The following PHACTR3 variants were observed in gnomAD, a reference collection of about 807,000 sequenced individuals.
PHACTR3 encodes phosphatase and actin regulator 3.
In PHACTR3, 16 loss-of-function variants were observed where a neutral mutation model predicts 66.8. The ratio of observed to expected loss-of-function variants is 0.24; its 90% CI spans 0.16 to 0.36. PHACTR3 has a LOEUF of 0.36. PHACTR3 is among the 10% of genes least tolerant of loss of function. The pLI is 1.00. For synonymous variants in PHACTR3, 323 were observed against 292.1 expected, an observed-to-expected ratio of 1.11 and a Z score of -1.08; for missense variants, 647 against 719.9, an observed-to-expected ratio of 0.90 and a Z score of 1.16.
chr20:59,696,589 A>G (rs1164890586), intron 1 of PHACTR3, among the ~76,000 whole-genome samples: 2 of 152,100 alleles, frequency 1.3e-5, no homozygotes, highest in East Asian at 3.8e-4. Context: ...TTGCACATTC[A>G]AACATGGGCC....
intron 1 of PHACTR3, among the ~76,000 whole-genome samples, chr20:59,650,778 G>A (rs142276320): frequency 3.0e-4 from 46 of 151,752 alleles, no homozygotes; most frequent in African/African-American, 1.1e-3. Flanking sequence ...GGGGTTGGGG[G>A]TGGTGGGACA....
chr20:59,582,273 G>C (rs542097862), intron 1 of PHACTR3, among the ~76,000 whole-genome samples: 1 of 152,302 alleles, frequency 6.6e-6, no homozygotes, highest in Non-Finnish European at 1.5e-5. Context: ...GTGTATCTTG[G>C]AGATTTATCT....
At chr20:59,584,961 G>T (rs900775402) in intron 1 of PHACTR3, among the ~76,000 whole-genome samples, 3 of 149,864 alleles carry the variant, frequency 2.0e-5, no homozygotes, top group African/African-American at 7.4e-5. Flanking sequence ...TTTAAAAAAC[G>T]CCTTCTCCAA....
chr20:59,682,822 GTCACAT>G (rs1371070813), intron 1 of PHACTR3, among the ~76,000 whole-genome samples: 1 of 152,200 alleles, frequency 6.6e-6, no homozygotes, highest in Non-Finnish European at 1.5e-5. Flanking sequence ...GGTGGCTGGA[GTCACAT>G]GAGATTGCTG....
At chr20:59,808,332 G>A (rs545034102) in intron 8 of PHACTR3, among the ~76,000 whole-genome samples, 4 of 152,370 alleles carry the variant, frequency 2.6e-5, no homozygotes, top group African/African-American at 9.6e-5. Context: ...ATTCTGGCAG[G>A]GTGGGCCTCT....
intron 1 of PHACTR3, among the ~76,000 whole-genome samples, chr20:59,734,218 C>A (rs1601219074): frequency 6.6e-6 from 1 of 152,182 alleles, no homozygotes; most frequent in Admixed American, 6.5e-5. Flanking sequence ...ATTAAGAACA[C>A]TAAGAGCAAT....
At chr20:59,827,287 G>A (rs2042221030) in intron 8 of PHACTR3, among the ~76,000 whole-genome samples, 1 of 152,144 alleles carries the variant, frequency 6.6e-6, no homozygotes, top group African/African-American at 2.4e-5. Context: ...CCCGGCTCCA[G>A]GAGGCTGATT....
chr20:59,662,691 G>A (rs1181226709), intron 1 of PHACTR3, among the ~76,000 whole-genome samples: 1 of 152,128 alleles, frequency 6.6e-6, no homozygotes, highest in Non-Finnish European at 1.5e-5. Context: ...GGAGGAAAAG[G>A]GGCTGGAGGG....
chr20:59,784,375 A>G (rs986532750), intron 7 of PHACTR3, among the ~76,000 whole-genome samples: 2 of 152,062 alleles, frequency 1.3e-5, no homozygotes, highest in African/African-American at 4.8e-5. Context: ...ATGTGTATGC[A>G]TATGTATATG....
At position 59,736,949 on chromosome 20, in the gene PHACTR3, G is replaced by A. The variant is rs1827514825; in HGVS notation, c.119-6158G>A. Among the ~76,000 whole-genome samples, 1 of 152,146 alleles carries A rather than the reference G, an allele frequency of 6.6e-6. No homozygotes were observed. The highest frequency in any genetic ancestry group is 2.1e-4 in the South Asian group (1 of 4,824). ...TCTTCACTCCTCTGATGACAGTTGA[G>A]CCCCTTGAGGAGCTGCTTAGACTAA... On this transcript the variant is annotated intron_variant, in intron 1 of 12. Coordinates refer to ENST00000371015, the MANE Select transcript of PHACTR3 (RefSeq NM_080672.5). This position sits in a 1 kb window ranked among gnomAD's most constrained non-coding sequence, Gnocchi z 4.6.
At position 59,782,498 on chromosome 20, in the gene PHACTR3, C is replaced by T. The variant is rs551778024; in HGVS notation, c.1174+8008C>T. On this transcript the variant is annotated intron_variant, in intron 7 of 12. Transcript: ENST00000371015. Reference sequence around the variant, plus strand: ...AACTCCTGACCTCAGGTGATCCACCCACCTCGGCCTCTCAAAGTGCTGGGA... The same window carrying T: ...AACTCCTGACCTCAGGTGATCCACCTACCTCGGCCTCTCAAAGTGCTGGGA... Among the ~76,000 whole-genome samples the T allele has an allele frequency of 3.3e-5, 5 of 152,270 alleles. 1 individual carries two copies. The South Asian group carries it at 1.0e-3, about 32-fold the overall frequency.
At position 59,595,411 on chromosome 20, in the gene PHACTR3, G is replaced by A. The variant is rs112927793; in HGVS notation, c.109+17794G>A. Among the ~76,000 whole-genome samples, 1,202 of 152,238 alleles carry A rather than the reference G, an allele frequency of 7.9e-3. 15 individuals are homozygous for A. The highest frequency in any genetic ancestry group is 0.024 in the African/African-American group (1,007 of 41,550). ...TGGGAGGCAGAGGTTGCAGTGAGCC[G>A]AGATTGCGCCACTGCACTCCAGCCT... On this transcript the variant is annotated intron_variant, in intron 1 of 12. Coordinates refer to the PHACTR3 transcript ENST00000359926.
At chr20:59,673,612 G>T (rs1248769048) in intron 1 of PHACTR3, among the ~76,000 whole-genome samples, 1 of 152,202 alleles carries the variant, frequency 6.6e-6, no homozygotes, top group Non-Finnish European at 1.5e-5. Flanking sequence ...AGGCAGCTGG[G>T]ATGGTGACCC....
intron 8 of PHACTR3, among the ~76,000 whole-genome samples, chr20:59,809,829 G>A (rs1600695960): frequency 6.6e-6 from 1 of 152,140 alleles, no homozygotes; most frequent in Non-Finnish European, 1.5e-5. Flanking sequence ...GGGCATGGCT[G>A]TGTGTCAATA....
At chr20:59,769,107 T>A (rs1045259037) in intron 5 of PHACTR3, among the ~76,000 whole-genome samples, 1 of 152,224 alleles carries the variant, frequency 6.6e-6, no homozygotes, top group African/African-American at 2.4e-5. Context: ...GTCAGTACCT[T>A]TGCATGCTTG....
chr20:59,811,790 C>T (rs1324821545), intron 8 of PHACTR3, among the ~76,000 whole-genome samples: 1 of 152,178 alleles, frequency 6.6e-6, no homozygotes, highest in Non-Finnish European at 1.5e-5. Flanking sequence ...CAGGCTAGAG[C>T]CCCAGCCGTC....
chr20:59,635,767 C>T (rs1333660565), intron 1 of PHACTR3, among the ~76,000 whole-genome samples: 1 of 152,114 alleles, frequency 6.6e-6, no homozygotes, highest in African/African-American at 2.4e-5. Flanking sequence ...ATGGGGTGTG[C>T]CCCCACTTTT....
chr20:59,736,787 C>T lies in PHACTR3; in HGVS notation c.119-6320C>T, dbSNP rs763026223. ...CTATTTTGAAGTTTCTCTTCTTGGGCGGAGAGTCATAGCTCTCACAAGCCC... is the reference window on the plus strand; with the variant it reads ...CTATTTTGAAGTTTCTCTTCTTGGGTGGAGAGTCATAGCTCTCACAAGCCC... On this transcript the variant is annotated intron_variant, in intron 1 of 12. Coordinates refer to ENST00000371015, the MANE Select transcript of PHACTR3 (RefSeq NM_080672.5). The surrounding 1 kb of genome is among the most constrained non-coding windows in gnomAD (Gnocchi z 4.6). Among the ~76,000 whole-genome samples the T allele has an allele frequency of 2.3e-4, 35 of 152,098 alleles. 1 individual carries two copies. The highest frequency in any genetic ancestry group is 1.8e-4 in the Non-Finnish European group (12 of 68,010).
chr20:59,581,794 A>T (rs1372276137), intron 1 of PHACTR3, among the ~76,000 whole-genome samples: 1 of 151,972 alleles, frequency 6.6e-6, no homozygotes, highest in Non-Finnish European at 1.5e-5. Flanking sequence ...GGCAGGAGAA[A>T]GGCGTGAACC....
Sources: allele counts gnomAD v4.1 joint callset (sites outside exome capture counted in the v4.1 genomes callset), GRCh38; gene constraint gnomAD v4.1.1; non-coding constraint Gnocchi (gnomAD v3.1); transcripts MANE v1.5; gene names NCBI Gene and HGNC (gene_info 2026-07-23, HGNC 2026-07-21).